The following SIPA1L1 variants were observed in gnomAD, a reference collection of about 807,000 sequenced individuals.
SIPA1L1 encodes the protein signal induced proliferation associated 1 like 1, also known as signal-induced proliferation-associated 1-like protein 1.
Under a neutral mutation model 162.7 loss-of-function variants are expected in SIPA1L1, and 26 were observed. The observed-to-expected ratio is 0.16, with a 90% CI of 0.12 to 0.22. SIPA1L1 has a LOEUF of 0.22. Ranked by LOEUF, SIPA1L1 falls within the 10% of genes least tolerant of loss-of-function variation. The probability of loss-of-function intolerance (pLI) is 1.00; values close to 1 mark genes in which losing one functional copy is unlikely to be tolerated. For synonymous variants in SIPA1L1, 829 were observed against 837.4 expected (o/e 0.99, Z 0.17); for missense variants, 1,874 against 2,241.0 (o/e 0.84, Z 3.31).
chr14:71,629,347 T>A (rs191671978), intron 7 of SIPA1L1, among the ~76,000 whole-genome samples: 10 of 152,324 alleles, frequency 6.6e-5, no homozygotes, highest in African/African-American at 2.4e-4. Flanking sequence ...ATTGTTCCTG[T>A]TTTATAGCTA....
chr14:71,600,297 C>T (rs750294515), intron 5 of SIPA1L1, among the ~76,000 whole-genome samples: 5 of 151,930 alleles, frequency 3.3e-5, no homozygotes, highest in South Asian at 2.1e-4. Flanking sequence ...TTGTATATAG[C>T]GAGAGACAGG....
Position 71,322,671 on chromosome 14 carries a change from A to G in SIPA1L1, c.-465+1490A>G, listed in dbSNP as rs556594568. On this transcript the variant is annotated intron_variant, in intron 2 of 23. Coordinates refer to ENST00000381232, the MANE Select transcript of SIPA1L1 (RefSeq NM_001386936.1). ...AAATGATGAGTGATTGTTTCCACAT[A>G]AATGGTTAGAGGCAAAATAAGAGAT... Among the ~76,000 whole-genome samples the G allele has an allele frequency of 2.9e-4, 44 of 152,340 alleles. No homozygotes were observed. The South Asian group carries it at 9.1e-3, about 32-fold the overall frequency.
chr14:71,542,484 T>G (rs1595993944), intron 4 of SIPA1L1, among the ~76,000 whole-genome samples: 1 of 149,960 alleles, frequency 6.7e-6, no homozygotes, highest in Non-Finnish European at 1.5e-5. Context: ...TGCTTCTGCT[T>G]CTTCTGCTTC....
At chr14:71,556,835 A>G (rs2056397217) in intron 4 of SIPA1L1, among the ~76,000 whole-genome samples, 1 of 152,114 alleles carries the variant, frequency 6.6e-6, no homozygotes, top group South Asian at 2.1e-4. Context: ...CACATTATCT[A>G]AATCCAGCAA....
At chr14:71,690,879 A>G (rs1234022325) in intron 13 of SIPA1L1, among the ~76,000 whole-genome samples, 1 of 152,078 alleles carries the variant, frequency 6.6e-6, no homozygotes, top group Non-Finnish European at 1.5e-5. Context: ...CTGACTACCT[A>G]CTGAACATAT....
At chr14:71,706,786 C>G (rs1194766112) in intron 16 of SIPA1L1, among the ~76,000 whole-genome samples, 1 of 152,118 alleles carries the variant, frequency 6.6e-6, no homozygotes, top group Non-Finnish European at 1.5e-5. Context: ...GTAATCCTAG[C>G]ACTTTGGAAT....
intron 2 of SIPA1L1, among the ~76,000 whole-genome samples, chr14:71,348,674 CT>C: frequency 6.6e-6 from 1 of 152,236 alleles, no homozygotes; most frequent in South Asian, 2.1e-4. Flanking sequence ...AGTTTTTAAG[CT>C]TTAAAACAAA....
chr14:71,737,101 G>A (rs1315108181), intron 22 of SIPA1L1, among the ~76,000 whole-genome samples: 2 of 151,974 alleles, frequency 1.3e-5, no homozygotes, highest in Non-Finnish European at 2.9e-5. Context: ...GCTTTTCATT[G>A]GCCTTCCTGC....
chr14:71,356,601 C>G (rs2037294204), intron 2 of SIPA1L1, among the ~76,000 whole-genome samples: 1 of 75,782 alleles, frequency 1.3e-5, no homozygotes, highest in Admixed American at 1.5e-4. Context: ...CACCTGTTGT[C>G]CTAGCTACCA....
chr14:71,468,941 A>G (rs1240165882), intron 2 of SIPA1L1, among the ~76,000 whole-genome samples: 2 of 152,078 alleles, frequency 1.3e-5, no homozygotes, highest in African/African-American at 2.4e-5. Flanking sequence ...CTGGTTAACA[A>G]TCTCCCTTGT....
Position 71,590,033 on chromosome 14 carries a change from AAAAAAAAAAAAAT to A in SIPA1L1, c.1498+665_1498+677del, listed in dbSNP as rs1465306140. Among the ~76,000 whole-genome samples, 709 of 72,194 alleles carry A rather than the reference AAAAAAAAAAAAAT, an allele frequency of 9.8e-3. 1 individual carries two copies. The highest frequency in any genetic ancestry group is 0.014 in the African/African-American group (274 of 20,190). 47.4% of individuals were successfully genotyped at this position (72,194 alleles called of 152,430 possible). On this transcript the variant is annotated intron_variant, in intron 5 of 23. Transcript: ENST00000381232. The stretch of plus-strand genomic sequence containing the variant: ...TTGAGTGGGAGAGTAAAAAAAAAAA[AAAAAAAAAAAAAT>A]ATATATATATATATATATATATATA...
intron 2 of SIPA1L1, among the ~76,000 whole-genome samples, chr14:71,456,870 T>G (rs1380791015): frequency 1.3e-5 from 2 of 152,250 alleles, no homozygotes; most frequent in East Asian, 3.8e-4. Context: ...CTTCCAGCAT[T>G]AAGTTTGTGC....
rs924498219 is a variant in SIPA1L1, at chr14:71,739,328, C to G, written c.*167C>G. 1.1e-5 allele frequency: 5 copies of G among 459,298 alleles called. No individual in the cohort carries two copies. Among genetic ancestry groups the G allele is most frequent in the Non-Finnish European group, 1.8e-5 (5 of 276,936 alleles). The allele number at this position is 459,298 out of a possible 1,614,324, so 28.5% of individuals were successfully genotyped here. Reference sequence around the variant, plus strand: ...AATAGTTGCAGATCAACAATCATCACCTGCCTTTTGTAGAAAAGAAAAACA... The same window carrying G: ...AATAGTTGCAGATCAACAATCATCAGCTGCCTTTTGTAGAAAAGAAAAACA... On this transcript the variant is annotated 3_prime_UTR_variant, in exon 24 of 24. Transcript: ENST00000381232.
Position 71,444,724 on chromosome 14 carries a change from T to C in SIPA1L1, c.-464-68019T>C, listed in dbSNP as rs115868921. On this transcript the variant is annotated intron_variant, in intron 2 of 23. Coordinates refer to ENST00000381232, the MANE Select transcript of SIPA1L1 (RefSeq NM_001386936.1). The stretch of plus-strand genomic sequence containing the variant: ...CCAGGCCCAGGTAGGTGTCTGCTGC[T>C]CCCTCTTATTGGCACTGAGAGAACA... Among the ~76,000 whole-genome samples, 963 of 152,300 alleles carry C rather than the reference T, an allele frequency of 6.3e-3. 5 individuals are homozygous for C. Among genetic ancestry groups the C allele is most frequent in the African/African-American group, 0.022 (905 of 41,552 alleles).
At chr14:71,525,560 C>T (rs1036962801) in intron 3 of SIPA1L1, among the ~76,000 whole-genome samples, 28 of 152,190 alleles carry the variant, frequency 1.8e-4, no homozygotes, top group Non-Finnish European at 3.4e-4. Flanking sequence ...GACATAAGCC[C>T]ATACAATAGA....
intron 2 of SIPA1L1, among the ~76,000 whole-genome samples, chr14:71,378,869 A>G (rs1034462847): frequency 3.3e-5 from 5 of 152,170 alleles, no homozygotes; most frequent in African/African-American, 1.2e-4. Flanking sequence ...TTTCATAATT[A>G]TACTCTTGAT....
At position 71,463,690 on chromosome 14, in the gene SIPA1L1, C is replaced by T. The variant is rs148152585; in HGVS notation, c.-464-49053C>T. The stretch of plus-strand genomic sequence containing the variant: ...CTGGATCTGTAAACTGGCTCAAGTC[C>T]GGAAATTGATTGAGGGGCCATGATT... On this transcript the variant is annotated intron_variant, in intron 2 of 23. Transcript: ENST00000381232. 2.4e-4 allele frequency among the ~76,000 whole-genome samples: 37 copies of T among 152,226 alleles called. 1 individual carries two copies. In the East Asian group the frequency reaches 6.2e-3, roughly 25 times the overall value.
intron 12 of SIPA1L1, among the ~76,000 whole-genome samples, chr14:71,676,153 G>A (rs897933086): frequency 5.4e-5 from 8 of 149,522 alleles, no homozygotes; most frequent in Non-Finnish European, 8.9e-5. Flanking sequence ...AATTAGGGGG[G>A]CGTGCTGGCA....
At chr14:71,544,892 T>A (rs1003205115) in intron 4 of SIPA1L1, among the ~76,000 whole-genome samples, 65 of 152,230 alleles carry the variant, frequency 4.3e-4, no homozygotes, top group Non-Finnish European at 6.8e-4. Context: ...TATATTTTTT[T>A]AAATTTTTAT....
Sources: gnomAD v4.1 joint callset for allele counts (sites outside exome capture counted in the v4.1 genomes callset) on GRCh38, gnomAD v4.1.1 for gene constraint, MANE v1.5 for transcripts, NCBI Gene and HGNC (gene_info 2026-07-23, HGNC 2026-07-21) for gene names.